HSPBAP1: variants seen among roughly 807,000 people sequenced by gnomAD.
HSPBAP1 encodes HSPB1-associated protein 1.
In HSPBAP1, 27 loss-of-function variants were observed where a neutral mutation model predicts 45.2. The ratio of observed to expected loss-of-function variants is 0.60; its 90% CI spans 0.44 to 0.82. HSPBAP1 has a LOEUF of 0.82. Ranked by LOEUF, HSPBAP1 falls within the 40% of genes least tolerant of loss-of-function variation. HSPBAP1 has a pLI of 0.00. For synonymous variants in HSPBAP1, 204 were observed against 202.7 expected, an observed-to-expected ratio of 1.01 and a Z score of -0.06; for missense variants, 510 against 590.9, an observed-to-expected ratio of 0.86 and a Z score of 1.42.
intron 6 of HSPBAP1, chr3:122,741,374 T>C (rs943941805): frequency 5.0e-6 from 2 of 399,658 alleles, no homozygotes; most frequent in Non-Finnish European, 4.5e-6. Context: ...AATCACCTTA[T>C]GATATTTTCT....
At chr3:122,764,449 C>T (rs58442568) in intron 3 of HSPBAP1, among the ~76,000 whole-genome samples, 6,378 of 152,158 alleles carry the variant, frequency 0.042, 443 homozygotes, top group African/African-American at 0.14. Flanking sequence ...TACTTATAGC[C>T]TCTACTTGAA....
intron 1 of HSPBAP1, among the ~76,000 whole-genome samples, chr3:122,780,774 C>T (rs1433610029): frequency 8.0e-5 from 12 of 150,032 alleles, no homozygotes; most frequent in African/African-American, 3.0e-4. Context: ...GGCTGCCGGG[C>T]GGAGGGGCTC....
At chr3:122,753,269 G>T in intron 5 of HSPBAP1, 1 of 249,576 alleles carries the variant, frequency 4.0e-6, no homozygotes, top group South Asian at 1.5e-4. Flanking sequence ...TGCCAGGAAG[G>T]ATAAGAGGTA....
In HSPBAP1 at chr3:122,755,315, C is replaced by T. The variant is rs115965208; in HGVS notation, c.686G>A (p.Arg229His). The change falls in exon 5 of 8, where the codon CGT (arginine) becomes CAT (histidine). Residue 229 changes from arginine (R) to histidine (H), a missense_variant. Coordinates refer to ENST00000306103, the MANE Select transcript of HSPBAP1 (RefSeq NM_024610.6). ...KINVVNPDLK[R>H]FPQFRKAQRH... ...TTGAGCTTTCCGGAACTGAGGAAAA[C>T]GCTTTAAATCAGGATTGACAACATT... 1.8e-4 allele frequency: 294 copies of T among 1,603,464 alleles called. No homozygotes were observed. In the African/African-American group the frequency reaches 3.3e-3, roughly 18 times the overall value.
chr3:122,748,953 ATAT>A (rs1402055701), intron 6 of HSPBAP1, among the ~76,000 whole-genome samples: 1 of 152,162 alleles, frequency 6.6e-6, no homozygotes, highest in African/African-American at 2.4e-5. Context: ...GAAATTCAAG[ATAT>A]TATTGTTGAA....
At chr3:122,768,655 T>G (rs1934872562) in intron 3 of HSPBAP1, 46 bp downstream of exon 3, 1 of 1,378,176 alleles carries the variant, frequency 7.3e-7, no homozygotes, top group South Asian at 1.2e-5. Context: ...TGTTCTTTTC[T>G]CAAAAACAAA....
At chr3:122,778,567 G>C (rs922987384) in intron 1 of HSPBAP1, among the ~76,000 whole-genome samples, 5 of 149,242 alleles carry the variant, frequency 3.4e-5, no homozygotes, top group Admixed American at 6.7e-5. Context: ...TCTCGCCCAG[G>C]CTAGAGTGCT....
chr3:122,759,159 C>T, intron 4 of HSPBAP1, 65 bp downstream of exon 4: 1 of 1,530,590 alleles, frequency 6.5e-7, no homozygotes, highest in South Asian at 1.2e-5. Flanking sequence ...TCTGCCACCC[C>T]TATTGCATGC....
intron 1 of HSPBAP1, among the ~76,000 whole-genome samples, chr3:122,786,027 G>C (rs1004608196): frequency 2.0e-4 from 31 of 151,874 alleles, no homozygotes; most frequent in Non-Finnish European, 2.9e-5. Flanking sequence ...ACAAATGAAA[G>C]GTCCAGGAAA....
chr3:122,740,464 A>G lies in HSPBAP1; in HGVS notation c.1348T>C (p.Ser450Pro), dbSNP rs762662956. Residue 450 changes from serine (S) to proline (P), a missense_variant, in exon 8 of 8, where the codon TCA (serine) becomes CCA (proline). Transcript: ENST00000306103. ...GTTTGAGGAGTCGTAGTAGTATTTG[A>G]GGCAATCTGTTCCTCAATTGCATTT... ...SENAIEEQIASNTTTTPQTFI... is the reference protein window; with the variant it reads ...SENAIEEQIAPNTTTTPQTFI... 1.2e-6 allele frequency: 2 copies of G among 1,613,928 alleles called. No homozygotes were observed. Among genetic ancestry groups the G allele is most frequent in the African/African-American group, 2.7e-5 (2 of 74,918 alleles).
chr3:122,780,857 C>G (rs549666927), intron 1 of HSPBAP1, among the ~76,000 whole-genome samples: 1,706 of 126,662 alleles, frequency 0.013, 25 homozygotes, highest in Admixed American at 0.028. Flanking sequence ...CGGGCAGAGA[C>G]GCTCCTCACC....
chr3:122,761,230 T>C (rs1934570905), intron 3 of HSPBAP1, among the ~76,000 whole-genome samples: 1 of 152,184 alleles, frequency 6.6e-6, no homozygotes, highest in South Asian at 2.1e-4. Flanking sequence ...TGATTCTTAA[T>C]CTTATAGATA....
At chr3:122,782,456 T>C (rs1490191923) in intron 1 of HSPBAP1, among the ~76,000 whole-genome samples, 2 of 152,144 alleles carry the variant, frequency 1.3e-5, no homozygotes, top group Non-Finnish European at 2.9e-5. Flanking sequence ...TTAGTAATTT[T>C]TGAATTAAAA....
At chr3:122,757,780 A>C (rs1441629354) in intron 4 of HSPBAP1, among the ~76,000 whole-genome samples, 1 of 152,242 alleles carries the variant, frequency 6.6e-6, no homozygotes, top group Admixed American at 6.5e-5. Flanking sequence ...TATCATAGAG[A>C]GAATTCAGGT....
intron 7 of HSPBAP1, 38 bp downstream of exon 7, chr3:122,740,965 G>A: frequency 6.2e-7 from 1 of 1,605,904 alleles, no homozygotes; most frequent in South Asian, 1.1e-5. Flanking sequence ...TTTACCACAG[G>A]AAACTAACTG....
intron 3 of HSPBAP1, among the ~76,000 whole-genome samples, chr3:122,760,849 T>C (rs1227885795): frequency 6.6e-6 from 1 of 152,184 alleles, no homozygotes; most frequent in Non-Finnish European, 1.5e-5. Context: ...ATGGTTAAAA[T>C]AGTTCAGGCC....
intron 2 of HSPBAP1, among the ~76,000 whole-genome samples, chr3:122,770,026 T>C (rs183567776): frequency 6.3e-4 from 96 of 152,330 alleles, no homozygotes; most frequent in African/African-American, 2.3e-3. Context: ...ATATATTTAC[T>C]TGGAACCCTT....
rs1325688863 is a variant in HSPBAP1, at chr3:122,781,160, G to A, written c.65-3254C>T. Among the ~76,000 whole-genome samples, 43 of 151,180 alleles carry A rather than the reference G, an allele frequency of 2.8e-4. No homozygotes were observed. In the East Asian group the frequency reaches 7.1e-3, roughly 25 times the overall value. On this transcript the variant is annotated intron_variant, in intron 1 of 7. Coordinates refer to ENST00000306103, the MANE Select transcript of HSPBAP1 (RefSeq NM_024610.6). ...TCACTTCCCAGACGGGGTGGCGGCC[G>A]GGCAGAGGCTGCAATCTCGGCACTT... is the stretch of plus-strand genomic sequence containing the variant.
intron 6 of HSPBAP1, among the ~76,000 whole-genome samples, chr3:122,750,194 C>T (rs1934078829): frequency 6.6e-6 from 1 of 151,836 alleles, no homozygotes; most frequent in African/African-American, 2.4e-5. Context: ...AGGATGGTCT[C>T]GATCTTTTGA....
Sources: gnomAD v4.1 joint callset for allele counts (sites outside exome capture counted in the v4.1 genomes callset) on GRCh38, gnomAD v4.1.1 for gene constraint, MANE v1.5 for transcripts, NCBI Gene and HGNC (gene_info 2026-07-23, HGNC 2026-07-21) for gene names.